The following CSMD1 variants were observed in gnomAD, a reference collection of about 807,000 sequenced individuals.
The protein encoded by CSMD1 is CUB and Sushi multiple domains 1.
CSMD1 carries 213 observed loss-of-function variants against 417.5 expected under a neutral mutation model. The observed-to-expected ratio is 0.51, with a 90% confidence interval of 0.46 to 0.57. The LOEUF is 0.57. CSMD1 is among the 20% of genes least tolerant of loss of function. The pLI, the probability that CSMD1 is intolerant of heterozygous loss-of-function variation, is 0.00. For synonymous variants in CSMD1, 2,862 were observed against 1,736.8 expected (o/e 1.65, Z -16.11); for missense variants, 6,923 against 4,529.7 (o/e 1.53, Z -15.17).
intron 4 of CSMD1, among the ~76,000 whole-genome samples, chr8:3,999,424 C>T (rs1466064367): frequency 6.6e-6 from 1 of 152,138 alleles, no homozygotes; most frequent in Non-Finnish European, 1.5e-5. Flanking sequence ...TTGCAAGTTC[C>T]AATATTTCTT....
At chr8:4,768,487 G>A (rs1323552561) in intron 1 of CSMD1, among the ~76,000 whole-genome samples, 1 of 152,206 alleles carries the variant, frequency 6.6e-6, no homozygotes, top group Non-Finnish European at 1.5e-5. Flanking sequence ...AGGCCTTGGT[G>A]CTTAGCTCCT....
chr8:4,204,944 G>A (rs990459522), intron 3 of CSMD1, among the ~76,000 whole-genome samples: 1 of 152,096 alleles, frequency 6.6e-6, no homozygotes, highest in Non-Finnish European at 1.5e-5. Context: ...ACAAATGTGA[G>A]CCACTGAATC....
At chr8:4,459,379 C>T (rs1197084181) in intron 2 of CSMD1, among the ~76,000 whole-genome samples, 1 of 152,182 alleles carries the variant, frequency 6.6e-6, no homozygotes, top group Non-Finnish European at 1.5e-5. Context: ...ACTCATGAAA[C>T]AAGAATGTCA....
intron 54 of CSMD1, among the ~76,000 whole-genome samples, chr8:2,980,462 T>TTCCTTCTCTTTCTCCTCC (rs1274905526): frequency 6.6e-6 from 1 of 151,998 alleles, no homozygotes; most frequent in East Asian, 1.9e-4. Context: ...CATCCCTCTC[T>TTCCTTCTCTTTCTCCTCC]TCCTTCTCTT....
At chr8:4,786,895 A>G (rs1797427730) in intron 1 of CSMD1, among the ~76,000 whole-genome samples, 1 of 152,198 alleles carries the variant, frequency 6.6e-6, no homozygotes, top group Non-Finnish European at 1.5e-5. Flanking sequence ...CTAAGAAATA[A>G]GATAAAAGTA....
chr8:3,073,329 C>CA (rs35398873), intron 49 of CSMD1, among the ~76,000 whole-genome samples: 2,862 of 150,464 alleles, frequency 0.019, 76 homozygotes, highest in African/African-American at 0.058. Flanking sequence ...TTTAAATCAG[C>CA]AAAAAAAAAT....
intron 1 of CSMD1, among the ~76,000 whole-genome samples, chr8:4,864,142 T>G (rs542549779): frequency 3.9e-5 from 6 of 152,082 alleles, no homozygotes; most frequent in Non-Finnish European, 8.8e-5. Context: ...TTTTATTAAA[T>G]TGATCACTTC....
At chr8:4,734,819 T>G (rs1017712056) in intron 1 of CSMD1, among the ~76,000 whole-genome samples, 1 of 152,186 alleles carries the variant, frequency 6.6e-6, no homozygotes, top group Non-Finnish European at 1.5e-5. Flanking sequence ...CCTGGGTATT[T>G]TCAGTCTTGG....
At chr8:3,194,865 G>A (rs1205482073) in intron 33 of CSMD1, among the ~76,000 whole-genome samples, 1 of 152,074 alleles carries the variant, frequency 6.6e-6, no homozygotes, top group Non-Finnish European at 1.5e-5. Flanking sequence ...CTGGGATGCA[G>A]GTGCTGCTTC....
chr8:3,847,984 C>G (rs983320184), intron 5 of CSMD1, among the ~76,000 whole-genome samples: 1 of 151,984 alleles, frequency 6.6e-6, no homozygotes, highest in Non-Finnish European at 1.5e-5. Context: ...ATTTATTCAT[C>G]TCTATTCTGT....
chr8:3,126,668 A>G (rs1319424169), intron 41 of CSMD1, among the ~76,000 whole-genome samples: 1 of 152,164 alleles, frequency 6.6e-6, no homozygotes, highest in Non-Finnish European at 1.5e-5. Context: ...TTTATAACCA[A>G]GGATATCACC....
intron 5 of CSMD1, among the ~76,000 whole-genome samples, chr8:3,797,373 T>G (rs1001227430): frequency 6.6e-6 from 1 of 152,002 alleles, no homozygotes; most frequent in Non-Finnish European, 1.5e-5. Flanking sequence ...ACACCCCGGA[T>G]GCAGGCATAA....
At chr8:3,676,161 C>G (rs573325401) in intron 7 of CSMD1, among the ~76,000 whole-genome samples, 1 of 152,148 alleles carries the variant, frequency 6.6e-6, no homozygotes, top group Non-Finnish European at 1.5e-5. Flanking sequence ...TGTTTATTTT[C>G]TTCTGCTCAA....
intron 3 of CSMD1, among the ~76,000 whole-genome samples, chr8:4,302,949 T>C (rs1400057524): frequency 6.6e-6 from 1 of 152,068 alleles, no homozygotes; most frequent in Non-Finnish European, 1.5e-5. Flanking sequence ...CTTCCCTTTA[T>C]GCATGAAACT....
At chr8:3,115,420 T>A (rs1458223875) in intron 42 of CSMD1, among the ~76,000 whole-genome samples, 1 of 152,190 alleles carries the variant, frequency 6.6e-6, no homozygotes, top group Non-Finnish European at 1.5e-5. Context: ...CAGGCTTGTC[T>A]CAAACTCCTG....
intron 8 of CSMD1, among the ~76,000 whole-genome samples, chr8:3,615,037 T>C (rs1479839200): frequency 6.6e-6 from 1 of 152,204 alleles, no homozygotes; most frequent in Non-Finnish European, 1.5e-5. Context: ...CGTTGCTTTG[T>C]TTTCAAAAGA....
intron 3 of CSMD1, among the ~76,000 whole-genome samples, chr8:4,284,803 A>G (rs536211706): frequency 2.6e-5 from 4 of 152,248 alleles, no homozygotes; most frequent in East Asian, 3.9e-4. Flanking sequence ...ATATTTTACA[A>G]ACTTCAATAT....
At chr8:4,025,901 G>C (rs909471612) in intron 4 of CSMD1, among the ~76,000 whole-genome samples, 2 of 151,572 alleles carry the variant, frequency 1.3e-5, no homozygotes, top group African/African-American at 2.4e-5. Context: ...ATACATTTAG[G>C]TGTCATTATT....
At chr8:3,782,325 G>A (rs183499231) in intron 5 of CSMD1, among the ~76,000 whole-genome samples, 1 of 152,152 alleles carries the variant, frequency 6.6e-6, no homozygotes, top group Non-Finnish European at 1.5e-5. Flanking sequence ...ATGATACTGT[G>A]GCCCTATAGG....
Sources: allele counts gnomAD v4.1 joint callset (sites outside exome capture counted in the v4.1 genomes callset), GRCh38; gene constraint gnomAD v4.1.1; transcripts MANE v1.5; gene names NCBI Gene and HGNC (gene_info 2026-07-23, HGNC 2026-07-21).